TCEANC2: variants seen among roughly 807,000 people sequenced by gnomAD.
TCEANC2 encodes the protein transcription elongation factor A N-terminal and central domain containing 2.
A neutral mutation model predicts 22.8 loss-of-function variants in TCEANC2; 20 were observed. That is an observed-to-expected ratio of 0.88 (90% CI 0.62 to 1.28). The LOEUF is 1.28. Ranked by LOEUF, TCEANC2 falls within the 50% of genes most tolerant of loss-of-function variation. TCEANC2 has a pLI of 0.00. For synonymous variants in TCEANC2, 84 were observed against 95.5 expected (o/e 0.88, Z 0.70); for missense variants, 251 against 249.7 (o/e 1.01, Z -0.03).
intron 3 of TCEANC2, among the ~76,000 whole-genome samples, chr1:54,080,229 C>T (rs770152609): frequency 1.3e-5 from 2 of 151,724 alleles, no homozygotes; most frequent in Non-Finnish European, 2.9e-5. Flanking sequence ...CTGAAACCTC[C>T]GACTCCTGGG....
Position 54,064,561 on chromosome 1 carries a change from G to A in TCEANC2, c.103-4195G>A, listed in dbSNP as rs111457451. On this transcript the variant is annotated intron_variant, in intron 2 of 4. Transcript: ENST00000234827. ...GGAAGGTGACTAATCAGAGGCTGAAGTGAAGTTACAAAGTTACACCCTATG... is the reference window on the plus strand; with the variant it reads ...GGAAGGTGACTAATCAGAGGCTGAAATGAAGTTACAAAGTTACACCCTATG... Among the ~76,000 whole-genome samples, 488 of 152,182 alleles carry A rather than the reference G, an allele frequency of 3.2e-3. 2 individuals carry two copies. The highest frequency in any genetic ancestry group is 0.011 in the African/African-American group (461 of 41,542).
Position 54,099,633 on chromosome 1 carries a change from A to G in TCEANC2, c.*3160A>G, listed in dbSNP as rs1658621162. ...ATGGCAGGCGCCTGTAATCCCAGCT[A>G]CTTGGAAGGCTGAGGTATGAGAATC... On this transcript the variant is annotated 3_prime_UTR_variant, in exon 5 of 5. Coordinates refer to ENST00000234827, the MANE Select transcript of TCEANC2 (RefSeq NM_153035.3). The G allele has an allele frequency of 6.6e-6, 1 of 151,376 alleles. No homozygotes were observed. The highest frequency in any genetic ancestry group is 6.6e-5 in the Admixed American group (1 of 15,186). 9.4% of individuals were successfully genotyped at this position (151,376 alleles called of 1,614,324 possible).
In TCEANC2 at chr1:54,096,492, C is replaced by A. The variant is rs751331863; in HGVS notation, c.*19C>A. On this transcript the variant is annotated 3_prime_UTR_variant, in exon 5 of 5. Transcript: ENST00000234827. The surrounding 1 kb of genome is among the most constrained non-coding windows in gnomAD (Gnocchi z 4.9). ...AAAGTGACCTGAGGACGGTTCCAGC[C>A]CTGGGCCAGGCAGAGAGGAAAATGG... is the stretch of plus-strand genomic sequence containing the variant. 3 of 1,581,564 alleles carry A rather than the reference C, an allele frequency of 1.9e-6. No individual in the cohort carries two copies. In the South Asian group the frequency reaches 3.3e-5, roughly 18 times the overall value.
intron 2 of TCEANC2, among the ~76,000 whole-genome samples, chr1:54,064,963 G>T (rs1023277344): frequency 1.3e-5 from 2 of 152,164 alleles, no homozygotes; most frequent in African/African-American, 4.8e-5. Context: ...GCCTCCCATA[G>T]TGCCGGGATT....
chr1:54,069,817 T>C (rs536218014), intron 3 of TCEANC2, among the ~76,000 whole-genome samples: 5 of 152,300 alleles, frequency 3.3e-5, no homozygotes, highest in African/African-American at 1.2e-4. Flanking sequence ...GCATTGGAGA[T>C]ATTTAAAAGG....
At chr1:54,110,589 G>A (rs1322602604), downstream of TCEANC2, among the ~76,000 whole-genome samples, 1 of 152,250 alleles carries the variant, frequency 6.6e-6, no homozygotes, top group African/African-American at 2.4e-5. Flanking sequence ...GGGCAACAGA[G>A]CATAACCTTG....
intron 3 of TCEANC2, among the ~76,000 whole-genome samples, chr1:54,076,289 C>T (rs1006192543): frequency 6.6e-6 from 1 of 152,138 alleles, no homozygotes; most frequent in African/African-American, 2.4e-5. Context: ...GCCTCAGTGT[C>T]TGTTCCCTTT....
In TCEANC2 at chr1:54,054,435, G is replaced by A. The variant is rs1302829685; in HGVS notation, c.13G>A (p.Val5Ile). ...GAGTCCCCTAACAATGGATAAATTCGTCATTCGAACGCCTAGAATCCAGAA... is the reference window on the plus strand; with the variant it reads ...GAGTCCCCTAACAATGGATAAATTCATCATTCGAACGCCTAGAATCCAGAA... MDKF[V>I]IRTPRIQNSP... The change falls in exon 2 of 5, where the codon GTC becomes ATC. Residue 5 changes from valine to isoleucine, a missense_variant. Transcript: ENST00000234827. The A allele has an allele frequency of 4.3e-6, 7 of 1,613,870 alleles. No homozygotes were observed. Among genetic ancestry groups the A allele is most frequent in the Non-Finnish European group, 5.9e-6 (7 of 1,179,998 alleles).
At chr1:54,094,984 T>G (rs1470689903) in intron 4 of TCEANC2, among the ~76,000 whole-genome samples, 1 of 151,914 alleles carries the variant, frequency 6.6e-6, no homozygotes, top group African/African-American at 2.4e-5. Context: ...AAATTTTTTT[T>G]TAATTTTAAT....
At chr1:54,091,739 A>G (rs890965834) in intron 4 of TCEANC2, among the ~76,000 whole-genome samples, 1 of 152,016 alleles carries the variant, frequency 6.6e-6, no homozygotes, top group Non-Finnish European at 1.5e-5. Context: ...TCCCTTCCAG[A>G]TCTTCTTTGT....
intron 3 of TCEANC2, among the ~76,000 whole-genome samples, chr1:54,082,187 A>G (rs771919780): frequency 4.6e-5 from 7 of 152,216 alleles, no homozygotes; most frequent in Non-Finnish European, 7.3e-5. Flanking sequence ...TATTTAAGTC[A>G]TTGTTATAAA....
chr1:54,054,214 T>C, intron 1 of TCEANC2, 167 bp from the exon 2 acceptor site: 2 of 1,432,782 alleles, frequency 1.4e-6, no homozygotes, highest in Non-Finnish European at 1.8e-6. Context: ...CAGTTTCAAT[T>C]CTTCGGAAGA....
chr1:54,072,105 C>G (rs552516774), intron 3 of TCEANC2, among the ~76,000 whole-genome samples: 19 of 152,304 alleles, frequency 1.2e-4, no homozygotes, highest in African/African-American at 3.6e-4. Context: ...AGCCACTATG[C>G]CTGGCAACAA....
rs1557697602 is a variant in TCEANC2, at chr1:54,104,623, C to A, written c.*8150C>A. 2.2e-6 allele frequency: 1 copy of A among 446,966 alleles called. No homozygotes were observed. The highest frequency in any genetic ancestry group is 4.5e-6 in the Non-Finnish European group (1 of 220,384). 27.7% of individuals were successfully genotyped at this position (446,966 alleles called of 1,614,324 possible). On this transcript the variant is annotated 3_prime_UTR_variant, in exon 5 of 5. Coordinates refer to ENST00000234827, the MANE Select transcript of TCEANC2 (RefSeq NM_153035.3). ...GTGGCACCATCTCGGCTCACTGCAA[C>A]CTCTGCCTCCTGGGTTCAAGCTATT...
intron 3 of TCEANC2, among the ~76,000 whole-genome samples, chr1:54,075,200 C>T (rs1008097011): frequency 6.6e-6 from 1 of 152,164 alleles, no homozygotes; most frequent in Non-Finnish European, 1.5e-5. Flanking sequence ...TTGTAAGGCG[C>T]CCACATTCTC....
intron 2 of TCEANC2, among the ~76,000 whole-genome samples, chr1:54,061,442 G>A (rs1418797765): frequency 6.6e-6 from 1 of 152,186 alleles, no homozygotes; most frequent in African/African-American, 2.4e-5. Context: ...GGAGGGGCTT[G>A]TATAGTAAAA....
rs114372641 is a variant in TCEANC2 at position 54,074,649 on chromosome 1, G to T, written c.244+5752G>T. Among the ~76,000 whole-genome samples, 1,043 of 152,292 alleles carry T rather than the reference G, an allele frequency of 6.8e-3. 12 individuals are homozygous for T. The highest frequency in any genetic ancestry group is 0.023 in the African/African-American group (969 of 41,560). ...TGTCATGGAATGCAAAGGAAAGAAT[G>T]TTTCTAGGAGGGGATTGGTTAGCTT... is the stretch of plus-strand genomic sequence containing the variant. On this transcript the variant is annotated intron_variant, in intron 3 of 4. Transcript: ENST00000234827.
chr1:54,081,123 C>A (rs927577574), intron 3 of TCEANC2, among the ~76,000 whole-genome samples: 10 of 152,180 alleles, frequency 6.6e-5, no homozygotes, highest in African/African-American at 2.2e-4. Flanking sequence ...CCTCAGGTAT[C>A]TTTACCTGTA....
At chr1:54,076,662 CA>C (rs1022678392) in intron 3 of TCEANC2, among the ~76,000 whole-genome samples, 9 of 151,956 alleles carry the variant, frequency 5.9e-5, no homozygotes, top group African/African-American at 2.2e-4. Flanking sequence ...TTCTGGTGAC[CA>C]AGAGAAAAAT....
Sources: allele counts gnomAD v4.1 joint callset (sites outside exome capture counted in the v4.1 genomes callset), GRCh38; gene constraint gnomAD v4.1.1; non-coding constraint Gnocchi (gnomAD v3.1); transcripts MANE v1.5; gene names NCBI Gene and HGNC (gene_info 2026-07-23, HGNC 2026-07-21).